The following PCDHGB6 variants were observed in gnomAD, a reference collection of about 807,000 sequenced individuals.
PCDHGB6 encodes protocadherin gamma-B6.
In PCDHGB6, 51 loss-of-function variants were observed where a neutral mutation model predicts 59.1. The observed-to-expected ratio is 0.86, with a 90% CI of 0.69 to 1.09. PCDHGB6 has a LOEUF of 1.09. Ranked by LOEUF, PCDHGB6 falls within the 50% of genes least tolerant of loss-of-function variation. The pLI, the probability that PCDHGB6 is intolerant of heterozygous loss-of-function variation, is 0.00. For synonymous variants in PCDHGB6, 466 were observed against 495.1 expected, an observed-to-expected ratio of 0.94 and a Z score of 0.78; for missense variants, 1,148 against 1,205.1, an observed-to-expected ratio of 0.95 and a Z score of 0.70.
chr5:141,477,697 T>G lies in PCDHGB6; in HGVS notation c.2419-17110T>G, dbSNP rs745625196. ...TGTCATCCTTAGTGCCCCTAGACTA[T>G]GAGGATCGGCGGGAATTTGAATTAA... On this transcript the variant is annotated intron_variant, in intron 1 of 3. Coordinates refer to ENST00000520790, the MANE Select transcript of PCDHGB6 (RefSeq NM_018926.3). The surrounding 1 kb of genome is among the most constrained non-coding windows in gnomAD (Gnocchi z 4.9). 6.2e-7 allele frequency: 1 copy of G among 1,614,160 alleles called. No homozygotes were observed. Among genetic ancestry groups the G allele is most frequent in the South Asian group, 1.1e-5 (1 of 91,090 alleles).
chr5:141,431,674 G>A lies in PCDHGB6; in HGVS notation c.2418+21054G>A, dbSNP rs756385496. ...ATTCAGGGACAATATCAACAATAGG[G>A]GAGTTGGACCACGAGGAGTCAGGAT... On this transcript the variant is annotated intron_variant, in intron 1 of 3. Transcript: ENST00000520790. The surrounding 1 kb of genome is among the most constrained non-coding windows in gnomAD (Gnocchi z 4.8). 4 of 1,614,234 alleles carry A rather than the reference G, an allele frequency of 2.5e-6. No individual in the cohort carries two copies. The Admixed American group carries it at 6.7e-5, about 27-fold the overall frequency.
In PCDHGB6 at chr5:141,486,269, G is replaced by T; in HGVS notation, c.2419-8538G>T. 6.2e-7 allele frequency: 1 copy of T among 1,613,996 alleles called. No homozygotes were observed. The highest frequency in any genetic ancestry group is 8.5e-7 in the Non-Finnish European group (1 of 1,179,956). On this transcript the variant is annotated intron_variant, in intron 1 of 3. Transcript: ENST00000520790. The surrounding 1 kb of genome is among the most constrained non-coding windows in gnomAD (Gnocchi z 5.0). ...AACCCTCCCCGAGAGTGCAGAACCT[G>T]GCACTGTGGTGGCACTTATCAGTGT...
At chr5:141,414,899 G>T (rs756810046) in intron 1 of PCDHGB6, 1 of 1,614,182 alleles carries the variant, frequency 6.2e-7, no homozygotes, top group Non-Finnish European at 8.5e-7. Context: ...CCCACAGACG[G>T]TTCCACAGGC....
At chr5:141,507,003 G>A (rs569257489) in intron 3 of PCDHGB6, 3 of 152,342 alleles carry the variant, frequency 2.0e-5, no homozygotes, top group African/African-American at 7.2e-5. Context: ...CGACAGATGA[G>A]AGAACCGAGA....
At position 141,478,334 on chromosome 5, in the gene PCDHGB6, C is replaced by T. The variant is rs1303200872; in HGVS notation, c.2419-16473C>T. 2.5e-6 allele frequency: 4 copies of T among 1,613,944 alleles called. No individual in the cohort carries two copies. The highest frequency in any genetic ancestry group is 3.4e-6 in the Non-Finnish European group (4 of 1,180,016). ...GAGCTCACTGTACCGAACACCAGGG[C>T]CCTCCTTGCACGCGGACGCCGTGCG... On this transcript the variant is annotated intron_variant, in intron 1 of 3. Coordinates refer to ENST00000520790, the MANE Select transcript of PCDHGB6 (RefSeq NM_018926.3).
At chr5:141,438,949 A>G (rs538626951) in intron 1 of PCDHGB6, among the ~76,000 whole-genome samples, 1 of 152,170 alleles carries the variant, frequency 6.6e-6, no homozygotes, top group East Asian at 1.9e-4. Flanking sequence ...TATAGGCATG[A>G]GCCACCGCAC....
chr5:141,478,221 C>A, intron 1 of PCDHGB6: 1 of 1,614,122 alleles, frequency 6.2e-7, no homozygotes, highest in Non-Finnish European at 8.5e-7. Context: ...ATCCTGGTTT[C>A]TGTGGGGTTT....
chr5:141,414,559 T>C (rs1330713312), intron 1 of PCDHGB6: 2 of 1,613,782 alleles, frequency 1.2e-6, no homozygotes, highest in Non-Finnish European at 1.7e-6. Flanking sequence ...AGTCTCCTAC[T>C]TTACCTATAT....
At position 141,502,499 on chromosome 5, in the gene PCDHGB6, C is replaced by T. The variant is rs552402476; in HGVS notation, c.2478-2894C>T. ...CATCACACTGGGACTCATCTAACGT[C>T]GGCCTGTCCCACTATCAGTGATGCC... On this transcript the variant is annotated intron_variant, in intron 2 of 3. Coordinates refer to ENST00000520790, the MANE Select transcript of PCDHGB6 (RefSeq NM_018926.3). Among the ~76,000 whole-genome samples, 24 of 152,240 alleles carry T rather than the reference C, an allele frequency of 1.6e-4. No homozygotes were observed. In the East Asian group the frequency reaches 4.1e-3, roughly 26 times the overall value.
rs760711107 is a variant in PCDHGB6, at chr5:141,410,447, C to T, written c.2245C>T (p.Pro749Ser). 3.1e-6 allele frequency: 5 copies of T among 1,613,984 alleles called. No homozygotes were observed. The highest frequency in any genetic ancestry group is 2.7e-5 in the African/African-American group (2 of 75,036). ...VPPNYSEGTL[P>S]YSYNLCIAHT... ...CCCCAACTACAGTGAGGGGACTTTG[C>T]CTTATTCTTATAATCTGTGCATTGC... is the stretch of plus-strand genomic sequence containing the variant. Residue 749 changes from proline (P) to serine (S), a missense_variant, in exon 1 of 4, where the codon CCT (proline) becomes TCT (serine). Around this residue, in one of 5 missense-constraint regions of PCDHGB6, gnomAD observed 283 missense variants for 318.6 expected, o/e 0.89. Transcript: ENST00000520790.
Position 141,408,693 on chromosome 5 carries a change from T to C in PCDHGB6, c.491T>C (p.Ile164Thr), listed in dbSNP as rs1561714723. The stretch of plus-strand genomic sequence containing the variant: ...CCTGCCACGGATCCTGATATAAACA[T>C]AAACTCAATTAAAGATTATAAGATA... ...LDPATDPDININSIKDYKINS... is the reference protein window; with the variant it reads ...LDPATDPDINTNSIKDYKINS... The change falls in exon 1 of 4, where the codon ATA becomes ACA. Residue 164 changes from isoleucine to threonine, a missense_variant. By Grantham distance (89) the Ile-to-Thr change is moderately conservative (BLOSUM62 -1). Transcript: ENST00000520790. 6.2e-6 allele frequency: 10 copies of C among 1,613,768 alleles called. No homozygotes were observed. The highest frequency in any genetic ancestry group is 8.5e-6 in the Non-Finnish European group (10 of 1,179,740).
chr5:141,423,488 ATTC>A, intron 1 of PCDHGB6: 1 of 1,613,954 alleles, frequency 6.2e-7, no homozygotes, highest in Non-Finnish European at 8.5e-7. Flanking sequence ...CTGCAAACCT[ATTC>A]CCACGAGGTC....
Position 141,490,503 on chromosome 5 carries a change from C to A in PCDHGB6, c.2419-4304C>A, listed in dbSNP as rs2099701103. On this transcript the variant is annotated intron_variant, in intron 1 of 3. Coordinates refer to ENST00000520790, the MANE Select transcript of PCDHGB6 (RefSeq NM_018926.3). The surrounding 1 kb of genome is among the most constrained non-coding windows in gnomAD (Gnocchi z 5.4). ...ACCGGGAGGCCACATCCCACTATAT[C>A]ATCGAGCTGCTGGCCAGCGATGCTG... 3.7e-6 allele frequency: 6 copies of A among 1,614,206 alleles called. No individual in the cohort carries two copies. In the African/African-American group the frequency reaches 8.0e-5, roughly 22 times the overall value.
In PCDHGB6 at chr5:141,490,378, G is replaced by A; in HGVS notation, c.2419-4429G>A. On this transcript the variant is annotated intron_variant, in intron 1 of 3. Transcript: ENST00000520790. The surrounding 1 kb of genome is among the most constrained non-coding windows in gnomAD (Gnocchi z 5.4). The stretch of plus-strand genomic sequence containing the variant: ...GTTTAATGTGCGAGACCGGGACTCA[G>A]GTAGAAATGGTGAAGTGAGCCTTGA... 1 of 1,614,214 alleles carries A rather than the reference G, an allele frequency of 6.2e-7. No homozygotes were observed. The highest frequency in any genetic ancestry group is 1.1e-5 in the South Asian group (1 of 91,086).
In PCDHGB6 at chr5:141,432,582, T is replaced by A. The variant is rs1561862595; in HGVS notation, c.2418+21962T>A. 2 of 1,613,236 alleles carry A rather than the reference T, an allele frequency of 1.2e-6. No homozygotes were observed. The highest frequency in any genetic ancestry group is 1.7e-6 in the Non-Finnish European group (2 of 1,179,922). On this transcript the variant is annotated intron_variant, in intron 1 of 3. Transcript: ENST00000520790. This position sits in a 1 kb window ranked among gnomAD's most constrained non-coding sequence, Gnocchi z 6.0. ...CAGAACGCCTGGCTGTCCTACCGTC[T>A]GCTCAAGGCCAGCGAGCCGGGACTC...
chr5:141,498,078 G>A (rs1165770641), intron 2 of PCDHGB6, among the ~76,000 whole-genome samples: 6 of 152,194 alleles, frequency 3.9e-5, no homozygotes, highest in African/African-American at 1.4e-4. Flanking sequence ...ATAAGTGCTA[G>A]GTAGAATTGT....
At chr5:141,483,064 A>G (rs1245942485) in intron 1 of PCDHGB6, among the ~76,000 whole-genome samples, 2 of 152,142 alleles carry the variant, frequency 1.3e-5, no homozygotes, top group Non-Finnish European at 2.9e-5. Context: ...CAGCATGGGC[A>G]ACAGAGAGAG....
chr5:141,437,094 G>A (rs1183502010), intron 1 of PCDHGB6, among the ~76,000 whole-genome samples: 3 of 152,126 alleles, frequency 2.0e-5, no homozygotes, highest in African/African-American at 4.8e-5. Context: ...TGAAACTAAC[G>A]GCTTAGCTTT....
In PCDHGB6 at chr5:141,487,568, C is replaced by T. The variant is rs752378906; in HGVS notation, c.2419-7239C>T. Reference sequence around the variant, plus strand: ...ACCCAGTGCACCTATGGCAGGGGAGCCTGTTCGCCCAAGCTGCCCACCCTC... The same window carrying T: ...ACCCAGTGCACCTATGGCAGGGGAGTCTGTTCGCCCAAGCTGCCCACCCTC... On this transcript the variant is annotated intron_variant, in intron 1 of 3. Transcript: ENST00000520790. This position sits in a 1 kb window ranked among gnomAD's most constrained non-coding sequence, Gnocchi z 5.0. The T allele has an allele frequency of 1.2e-6, 2 of 1,614,180 alleles. No individual in the cohort carries two copies. The highest frequency in any genetic ancestry group is 1.7e-6 in the Non-Finnish European group (2 of 1,180,042).
Sources: allele counts gnomAD v4.1 joint callset (sites outside exome capture counted in the v4.1 genomes callset), GRCh38; gene constraint gnomAD v4.1.1; regional missense constraint gnomAD v4.1.1; non-coding constraint Gnocchi (gnomAD v3.1); transcripts MANE v1.5; gene names NCBI Gene and HGNC (gene_info 2026-07-23, HGNC 2026-07-21).